TMEM108: variants seen among roughly 807,000 people sequenced by gnomAD.
The protein encoded by TMEM108 is cancer/testis antigen 124.
In TMEM108, 12 loss-of-function variants were observed where a neutral mutation model predicts 35.1. The ratio of observed to expected loss-of-function variants is 0.34; its 90% CI spans 0.22 to 0.55. The LOEUF (loss-of-function observed/expected upper bound fraction) is 0.55. TMEM108 is among the 20% of genes least tolerant of loss of function. TMEM108 has a pLI of 0.89. For synonymous variants in TMEM108, 287 were observed against 308.6 expected (o/e 0.93, Z 0.73); for missense variants, 680 against 753.3 (o/e 0.90, Z 1.14).
At chr3:133,261,973 G>A (rs1250289444) in intron 3 of TMEM108, among the ~76,000 whole-genome samples, 6 of 152,196 alleles carry the variant, frequency 3.9e-5, no homozygotes, top group East Asian at 1.9e-4. Context: ...GTCATAAAGA[G>A]CCTTGAAGTT....
At chr3:133,131,839 A>G (rs1413222747) in intron 2 of TMEM108, among the ~76,000 whole-genome samples, 1 of 152,184 alleles carries the variant, frequency 6.6e-6, no homozygotes, top group Non-Finnish European at 1.5e-5. Flanking sequence ...ATAAGAAAGC[A>G]AAACAGCCTT....
At chr3:133,348,719 G>A (rs11710087) in intron 3 of TMEM108, among the ~76,000 whole-genome samples, 5,935 of 152,220 alleles carry the variant, frequency 0.039, 171 homozygotes, top group Non-Finnish European at 0.063. Context: ...TTCTGGGAGA[G>A]AGATTGAACA....
At chr3:133,161,394 G>A (rs1352719014) in intron 2 of TMEM108, among the ~76,000 whole-genome samples, 2 of 152,004 alleles carry the variant, frequency 1.3e-5, no homozygotes, top group Non-Finnish European at 2.9e-5. Flanking sequence ...TATTGTCTCT[G>A]TACTCTCCTT....
intron 3 of TMEM108, among the ~76,000 whole-genome samples, chr3:133,357,471 G>A (rs4089503): frequency 0.33 from 50,239 of 152,060 alleles, 8,841 homozygotes; most frequent in East Asian, 0.48. Context: ...AAAGATACGA[G>A]CACATGCATG....
chr3:133,087,098 G>T (rs1943893675), intron 2 of TMEM108, among the ~76,000 whole-genome samples: 1 of 152,130 alleles, frequency 6.6e-6, no homozygotes, highest in Non-Finnish European at 1.5e-5. Context: ...ACCAGCAGTT[G>T]GGTGCAGCCC....
chr3:133,287,233 G>A (rs1165600821), intron 3 of TMEM108, among the ~76,000 whole-genome samples: 4 of 152,004 alleles, frequency 2.6e-5, no homozygotes, highest in Admixed American at 2.6e-4. Flanking sequence ...TAAAGAATAT[G>A]GATTAAAATT....
At chr3:133,230,769 G>A (rs1408208695) in intron 3 of TMEM108, among the ~76,000 whole-genome samples, 1 of 152,170 alleles carries the variant, frequency 6.6e-6, no homozygotes, top group Admixed American at 6.5e-5. Flanking sequence ...TAATATTTTA[G>A]GGTCGTATGT....
At chr3:133,273,354 G>T (rs992946606) in intron 3 of TMEM108, among the ~76,000 whole-genome samples, 1 of 152,170 alleles carries the variant, frequency 6.6e-6, no homozygotes, top group African/African-American at 2.4e-5. Context: ...CAGACTCTTA[G>T]ATTCTTTCTT....
In TMEM108 at chr3:133,177,918, C is replaced by T. The variant is rs376737190; in HGVS notation, c.-46-51348C>T. Among the ~76,000 whole-genome samples, 43 of 152,012 alleles carry T rather than the reference C, an allele frequency of 2.8e-4. 1 individual carries two copies. In the South Asian group the frequency reaches 3.7e-3, roughly 13 times the overall value. Reference sequence around the variant, plus strand: ...TGATTGTATATCTAGAAAACCCCATCGTCTCAGCCCAAAATCTCCTCAAGC... The same window carrying T: ...TGATTGTATATCTAGAAAACCCCATTGTCTCAGCCCAAAATCTCCTCAAGC... On this transcript the variant is annotated intron_variant, in intron 2 of 5. Transcript: ENST00000321871.
At chr3:133,250,290 G>C (rs141889560) in intron 3 of TMEM108, among the ~76,000 whole-genome samples, 1 of 152,108 alleles carries the variant, frequency 6.6e-6, no homozygotes, top group Non-Finnish European at 1.5e-5. Context: ...CTCAGCCTAC[G>C]TGAAGCCAGT....
chr3:133,267,803 T>C (rs1946720191), intron 3 of TMEM108, among the ~76,000 whole-genome samples: 1 of 152,238 alleles, frequency 6.6e-6, no homozygotes, highest in African/African-American at 2.4e-5. Flanking sequence ...TGTCTCTTGA[T>C]AGACCTACTC....
chr3:133,340,341 T>C (rs547560874), intron 3 of TMEM108, among the ~76,000 whole-genome samples: 10 of 151,554 alleles, frequency 6.6e-5, no homozygotes, highest in African/African-American at 2.2e-4. Context: ...CTAGAAGAAA[T>C]AGACAAATTC....
At chr3:133,161,605 G>A (rs985464869) in intron 2 of TMEM108, among the ~76,000 whole-genome samples, 1 of 151,836 alleles carries the variant, frequency 6.6e-6, no homozygotes, top group Non-Finnish European at 1.5e-5. Flanking sequence ...ATATAACTGG[G>A]GTTCCATTGA....
intron 2 of TMEM108, among the ~76,000 whole-genome samples, chr3:133,169,939 C>T (rs144446247): frequency 9.9e-5 from 15 of 152,204 alleles, no homozygotes; most frequent in African/African-American, 2.6e-4. Flanking sequence ...GAAACAAGGG[C>T]GGGATCAGAT....
intron 3 of TMEM108, among the ~76,000 whole-genome samples, chr3:133,367,880 G>C (rs958790278): frequency 3.9e-5 from 6 of 152,208 alleles, no homozygotes; most frequent in Admixed American, 1.3e-4. Flanking sequence ...AAAGTGCTGA[G>C]AGATGTCAGC....
chr3:133,229,775 T>C (rs1946125553), intron 3 of TMEM108, among the ~76,000 whole-genome samples: 1 of 152,248 alleles, frequency 6.6e-6, no homozygotes, highest in South Asian at 2.1e-4. Flanking sequence ...TTTCTGTATT[T>C]TAACACATAG....
At chr3:133,357,076 T>C (rs1229455064) in intron 3 of TMEM108, among the ~76,000 whole-genome samples, 1 of 152,142 alleles carries the variant, frequency 6.6e-6, no homozygotes, top group African/African-American at 2.4e-5. Flanking sequence ...TACAAGGAAC[T>C]TAAATCAGCA....
chr3:133,053,699 C>A (rs1414512625), intron 2 of TMEM108, among the ~76,000 whole-genome samples: 1 of 152,178 alleles, frequency 6.6e-6, no homozygotes. Flanking sequence ...GACTTAGGAG[C>A]AGGAAGATTG....
rs1216816134 is a variant in TMEM108, at chr3:133,156,751, A to C, written c.-46-72515A>C. Among the ~76,000 whole-genome samples, 3 of 152,244 alleles carry C rather than the reference A, an allele frequency of 2.0e-5. No individual in the cohort carries two copies. In the East Asian group the frequency reaches 5.8e-4, roughly 29 times the overall value. On this transcript the variant is annotated intron_variant, in intron 2 of 5. Transcript: ENST00000321871. ...AACTGTACTGCCTTGCCTCCTTTGC[A>C]GTTAGGTATGGCCATGTGTCTTACT...
Sources: allele counts gnomAD v4.1 joint callset (sites outside exome capture counted in the v4.1 genomes callset), GRCh38; gene constraint gnomAD v4.1.1; transcripts MANE v1.5; gene names NCBI Gene and HGNC (gene_info 2026-07-23, HGNC 2026-07-21).